SYNDIG1L: variants seen among roughly 807,000 people sequenced by gnomAD.
The protein encoded by SYNDIG1L is synapse differentiation inducing 1 like, also known as synapse differentiation-inducing gene protein 1-like.
SYNDIG1L carries 13 observed loss-of-function variants against 20.1 expected under a neutral mutation model. The ratio of observed to expected loss-of-function variants is 0.65; its 90% CI spans 0.42 to 1.03. The LOEUF (loss-of-function observed/expected upper bound fraction) is 1.03, where lower values mean the gene tolerates loss of function less well. Ranked by LOEUF, SYNDIG1L falls within the 50% of genes least tolerant of loss-of-function variation. The pLI, the probability that SYNDIG1L is intolerant of heterozygous loss-of-function variation, is 0.00. For synonymous variants in SYNDIG1L, 128 were observed against 129.3 expected (o/e 0.99, Z 0.07); for missense variants, 294 against 305.1 (o/e 0.96, Z 0.27).
At chr14:74,457,828 C>T in the SYNDIG1L span, among the ~76,000 whole-genome samples, 8 of 152,038 alleles carry the variant, frequency 5.3e-5, no homozygotes, top group African/African-American at 1.9e-4. Context: ...GATTTGGAAT[C>T]AGAAGCCTTC....
At chr14:74,422,653 T>TCACACACACACACACA (rs34711949) in intron 1 of SYNDIG1L, among the ~76,000 whole-genome samples, 21,093 of 139,966 alleles carry the variant, frequency 0.15, 1,862 homozygotes, top group East Asian at 0.3. Context: ...ATCTCTCTCT[T>TCACACACACACACACA]CACACACACA....
chr14:74,433,718 G>T, the SYNDIG1L span, among the ~76,000 whole-genome samples: 1 of 152,080 alleles, frequency 6.6e-6, no homozygotes, highest in African/African-American at 2.4e-5. Context: ...CACAAGGTAG[G>T]TACCATTATC....
rs1218494433 is a variant in SYNDIG1L at position 74,409,610 on chromosome 14, G to A, written c.135C>T (p.Gly45=). Residue 45 remains glycine (G), a synonymous_variant, in exon 2 of 4, where the codon GGC becomes GGT. Coordinates refer to ENST00000331628, the MANE Select transcript of SYNDIG1L (RefSeq NM_001105579.2). ...QEKLYSYLLG[G]AGPAGAHQLL... ...GCTGGTGGGCTCCGGCAGGCCCAGC[G>A]CCACCTAGGAGGTAGGAGTAGAGCT... 5.3e-6 allele frequency: 8 copies of A among 1,510,152 alleles called. No homozygotes were observed. The highest frequency in any genetic ancestry group is 4.1e-5 in the South Asian group (3 of 73,696). The allele number at this position is 1,510,152 out of a possible 1,614,324, so 93.5% of individuals were successfully genotyped here. A position where few individuals can be genotyped will look rare whatever the true frequency, so the allele number is the denominator to read the frequency against.
chr14:74,415,461 C>T (rs1331420772), intron 1 of SYNDIG1L, among the ~76,000 whole-genome samples: 3 of 152,098 alleles, frequency 2.0e-5, no homozygotes, highest in Non-Finnish European at 4.4e-5. Context: ...AGGGACCACA[C>T]TTTAAGAACC....
chr14:74,476,727 C>A, the SYNDIG1L span: 1 of 627,402 alleles, frequency 1.6e-6, no homozygotes, highest in South Asian at 2.0e-5. Context: ...TCTCCACCCT[C>A]CCCTCCACCC....
upstream of SYNDIG1L, among the ~76,000 whole-genome samples, chr14:74,427,075 T>C (rs191733315): frequency 3.6e-4 from 55 of 150,890 alleles, 1 homozygote; most frequent in East Asian, 5.5e-3. Flanking sequence ...GGCTGCTTTG[T>C]CTCCACCCTG....
chr14:74,439,313 G>C, the SYNDIG1L span, among the ~76,000 whole-genome samples: 1 of 151,984 alleles, frequency 6.6e-6, no homozygotes, highest in Non-Finnish European at 1.5e-5. Flanking sequence ...CTGGGAGGAG[G>C]CTGGGGAGGT....
At chr14:74,426,396 CG>C (rs2086267029), upstream of SYNDIG1L, among the ~76,000 whole-genome samples, 1 of 151,986 alleles carries the variant, frequency 6.6e-6, no homozygotes, top group Non-Finnish European at 1.5e-5. Context: ...GCGAGGGGCG[CG>C]CAGCTGGAAC....
the SYNDIG1L span, chr14:74,471,823 A>G: frequency 6.6e-6 from 1 of 152,048 alleles, no homozygotes; most frequent in African/African-American, 2.4e-5. Context: ...TTGATTTTCA[A>G]AACTTCAATT....
At position 74,407,484 on chromosome 14, in the gene SYNDIG1L, C is replaced by T; in HGVS notation, c.*51G>A. 4 of 1,609,014 alleles carry T rather than the reference C, an allele frequency of 2.5e-6. No individual in the cohort carries two copies. The highest frequency in any genetic ancestry group is 3.4e-6 in the Non-Finnish European group (4 of 1,179,110). On this transcript the variant is annotated 3_prime_UTR_variant, in exon 4 of 4. Transcript: ENST00000331628. Reference sequence around the variant, plus strand: ...CCATAGGGTCTGCAACTCCAAGCCCCACTGCTTCCTCAGGTGGGCAGGGGA... The same window carrying T: ...CCATAGGGTCTGCAACTCCAAGCCCTACTGCTTCCTCAGGTGGGCAGGGGA...
the SYNDIG1L span, among the ~76,000 whole-genome samples, chr14:74,448,265 C>T: frequency 6.6e-6 from 1 of 152,016 alleles, no homozygotes; most frequent in East Asian, 1.9e-4. Context: ...ACAAGAAACA[C>T]ACTTGGACTA....
chr14:74,472,506 T>C, the SYNDIG1L span: 1 of 152,242 alleles, frequency 6.6e-6, no homozygotes, highest in Admixed American at 6.5e-5. Context: ...ACAGTGGGAA[T>C]ACAGTGATGA....
intron 1 of SYNDIG1L, among the ~76,000 whole-genome samples, chr14:74,425,065 C>T (rs1438818685): frequency 6.6e-6 from 1 of 152,138 alleles, no homozygotes; most frequent in East Asian, 1.9e-4. Flanking sequence ...CAAGGGTAGG[C>T]CAATTCTTCC....
chr14:74,480,114 GC>G, the SYNDIG1L span: 5 of 1,555,972 alleles, frequency 3.2e-6, no homozygotes, highest in South Asian at 5.9e-5. Flanking sequence ...CTGAGAACCA[GC>G]CACCCGGAGC....
the SYNDIG1L span, among the ~76,000 whole-genome samples, chr14:74,456,907 C>A: frequency 1.3e-5 from 2 of 152,276 alleles, no homozygotes; most frequent in Non-Finnish European, 2.9e-5. Context: ...GAGAAGGCAG[C>A]CTAGAACTAG....
chr14:74,441,212 C>A, the SYNDIG1L span, among the ~76,000 whole-genome samples: 1 of 152,128 alleles, frequency 6.6e-6, no homozygotes, highest in Non-Finnish European at 1.5e-5. Context: ...TGTTTTTAAT[C>A]CTGGAAAGTT....
chr14:74,465,024 A>C, the SYNDIG1L span, among the ~76,000 whole-genome samples: 3 of 152,112 alleles, frequency 2.0e-5, no homozygotes, highest in Non-Finnish European at 2.9e-5. Context: ...AATGCTGGGC[A>C]GACCTGCCTC....
the SYNDIG1L span, among the ~76,000 whole-genome samples, chr14:74,450,642 T>A: frequency 6.6e-6 from 1 of 152,172 alleles, no homozygotes; most frequent in African/African-American, 2.4e-5. Context: ...CCATTTCTGA[T>A]AAGATCTCAA....
chr14:74,446,490 CA>C, the SYNDIG1L span, among the ~76,000 whole-genome samples: 21 of 151,872 alleles, frequency 1.4e-4, no homozygotes, highest in African/African-American at 5.1e-4. Flanking sequence ...ATGGACTATA[CA>C]AAATACTATG....
Sources: gnomAD v4.1 joint callset for allele counts (sites outside exome capture counted in the v4.1 genomes callset) on GRCh38, gnomAD v4.1.1 for gene constraint, MANE v1.5 for transcripts, NCBI Gene and HGNC (gene_info 2026-07-23, HGNC 2026-07-21) for gene names.